The following MSH4 variants were observed in gnomAD, a reference collection of about 807,000 sequenced individuals.
The protein encoded by MSH4 is mutS homolog 4.
Under a neutral mutation model 113.7 loss-of-function variants are expected in MSH4, and 106 were observed. The ratio of observed to expected loss-of-function variants is 0.93; its 90% CI spans 0.80 to 1.10. MSH4 has a LOEUF of 1.10. MSH4 is among the 50% of genes least tolerant of loss of function. The pLI, the probability that MSH4 is intolerant of heterozygous loss-of-function variation, is 0.00. For synonymous variants in MSH4, 368 were observed against 380.2 expected, an observed-to-expected ratio of 0.97 and a Z score of 0.37; for missense variants, 1,061 against 1,093.7, an observed-to-expected ratio of 0.97 and a Z score of 0.42.
intron 16 of MSH4, 36 bp from the exon 17 acceptor site, chr1:75,890,660 G>C: frequency 1.7e-6 from 2 of 1,177,020 alleles, no homozygotes; most frequent in Non-Finnish European, 2.3e-6. Context: ...CAGCTGTTTG[G>C]TTACAATGAA....
intron 6 of MSH4, among the ~76,000 whole-genome samples, chr1:75,819,438 C>T (rs1204028114): frequency 6.6e-6 from 1 of 152,128 alleles, no homozygotes; most frequent in Non-Finnish European, 1.5e-5. Context: ...AGCAGTGAGC[C>T]TAGATAGTGC....
chr1:75,827,270 T>C (rs977919415), intron 7 of MSH4, among the ~76,000 whole-genome samples: 4 of 152,146 alleles, frequency 2.6e-5, no homozygotes, highest in African/African-American at 9.7e-5. Context: ...TAAAATCCTT[T>C]ACAGACAAGC....
At chr1:75,805,232 C>T (rs1650033768) in intron 2 of MSH4, among the ~76,000 whole-genome samples, 1 of 152,120 alleles carries the variant, frequency 6.6e-6, no homozygotes, top group Non-Finnish European at 1.5e-5. Context: ...ATGCTGTTAT[C>T]TCTCTGTTGT....
At chr1:75,880,277 G>A in intron 13 of MSH4, 124 bp downstream of exon 13, 2 of 580,632 alleles carry the variant, frequency 3.4e-6, no homozygotes, top group Non-Finnish European at 6.0e-6. Flanking sequence ...TGTTAGCAAA[G>A]GAAGTCTGTC....
intron 9 of MSH4, among the ~76,000 whole-genome samples, chr1:75,872,538 T>C (rs1333862002): frequency 2.0e-5 from 3 of 152,168 alleles, no homozygotes; most frequent in East Asian, 1.9e-4. Flanking sequence ...ACGGATAAAC[T>C]GTTGCAGTTC....
intron 5 of MSH4, 111 bp downstream of exon 5, chr1:75,815,247 G>T: frequency 1.7e-6 from 1 of 574,222 alleles, no homozygotes; most frequent in Non-Finnish European, 2.9e-6. Flanking sequence ...TTCCACAAGG[G>T]CAGGGACTTT....
At chr1:75,867,617 C>T in intron 9 of MSH4, 29 bp downstream of exon 9, 1 of 1,338,684 alleles carries the variant, frequency 7.5e-7, no homozygotes, top group South Asian at 1.3e-5. Context: ...TCGTACAAAA[C>T]ATGTCCAGCA....
At chr1:75,814,446 C>CT (rs5742050) in intron 4 of MSH4, among the ~76,000 whole-genome samples, 81,437 of 151,668 alleles carry the variant, frequency 0.54, 22,852 homozygotes, top group Middle Eastern at 0.68. Context: ...GCCTGGGCAA[C>CT]AGAGTGAGAC....
intron 14 of MSH4, 117 bp downstream of exon 14, chr1:75,881,487 C>T: frequency 9.3e-7 from 1 of 1,071,536 alleles, no homozygotes; most frequent in East Asian, 2.7e-5. Context: ...AGTCTCTTGC[C>T]TCTGGTCCTA....
At chr1:75,801,229 G>A (rs1430942402) in intron 1 of MSH4, among the ~76,000 whole-genome samples, 1 of 151,892 alleles carries the variant, frequency 6.6e-6, no homozygotes, top group Non-Finnish European at 1.5e-5. Flanking sequence ...GTGATTATAT[G>A]GCCCACAAAA....
chr1:75,797,325 T>C (rs1649839637), intron 1 of MSH4, 96 bp downstream of exon 1: 10 of 1,459,856 alleles, frequency 6.8e-6, no homozygotes, highest in African/African-American at 1.4e-5. Context: ...CACAGTGAAG[T>C]TGTGATTTGG....
Position 75,883,648 on chromosome 1 carries a change from C to G in MSH4, c.1934C>G (p.Ala645Gly). 6.2e-7 allele frequency: 1 copy of G among 1,612,454 alleles called. No homozygotes were observed. The highest frequency in any genetic ancestry group is 1.3e-5 in the African/African-American group (1 of 74,924). The change falls in exon 15 of 20, where the codon GCA (alanine) becomes GGA (glycine). Residue 645 changes from alanine to glycine, a missense_variant. By Grantham distance (60) the Ala-to-Gly change is moderately conservative. Transcript: ENST00000263187. Reference sequence around the variant, plus strand: ...CGACCAGAATTTACTGATACTTTAGCAATCAAACAGGGATGGCATCCTATT... The same window carrying G: ...CGACCAGAATTTACTGATACTTTAGGAATCAAACAGGGATGGCATCCTATT... The part of the protein sequence containing the change: ...YVRPEFTDTL[A>G]IKQGWHPILE...
At chr1:75,813,753 G>C (rs915341213) in intron 4 of MSH4, among the ~76,000 whole-genome samples, 14 of 152,080 alleles carry the variant, frequency 9.2e-5, no homozygotes, top group Non-Finnish European at 1.8e-4. Context: ...ACATGTGCCT[G>C]TAGTCCCAGG....
chr1:75,812,585 T>A (rs1650212509), intron 4 of MSH4, among the ~76,000 whole-genome samples: 1 of 151,984 alleles, frequency 6.6e-6, no homozygotes, highest in Non-Finnish European at 1.5e-5. Context: ...TCCCAGCTAC[T>A]CGGGAAGCTG....
At chr1:75,864,680 GT>G (rs1651525244) in intron 8 of MSH4, among the ~76,000 whole-genome samples, 1 of 151,828 alleles carries the variant, frequency 6.6e-6, no homozygotes, top group Middle Eastern at 3.2e-3. Context: ...TTTCTATTTG[GT>G]TTATCTGCTT....
At chr1:75,856,444 C>A (rs1340460527) in intron 8 of MSH4, among the ~76,000 whole-genome samples, 1 of 152,140 alleles carries the variant, frequency 6.6e-6, no homozygotes, top group African/African-American at 2.4e-5. Flanking sequence ...CCCTAGCCCT[C>A]CACCCCCGAC....
intron 16 of MSH4, among the ~76,000 whole-genome samples, chr1:75,889,738 T>A (rs1570992042): frequency 6.6e-6 from 1 of 152,074 alleles, no homozygotes; most frequent in African/African-American, 2.4e-5. Context: ...GTTAGAAGGG[T>A]TTCAAAAATC....
At chr1:75,901,081 A>G (rs540674180) in intron 19 of MSH4, among the ~76,000 whole-genome samples, 1 of 151,904 alleles carries the variant, frequency 6.6e-6, no homozygotes, top group African/African-American at 2.4e-5. Context: ...TGATATTTTG[A>G]TACTTGCATG....
At position 75,892,377 on chromosome 1, in the gene MSH4, A is replaced by ACTCT. The variant is rs113018030; in HGVS notation, c.2355+1568_2355+1571dup. 4.6e-3 allele frequency among the ~76,000 whole-genome samples: 682 copies of ACTCT among 148,436 alleles called. 5 individuals carry two copies. Among genetic ancestry groups the ACTCT allele is most frequent in the Middle Eastern group, 3.5e-3 (1 of 282 alleles). On this transcript the variant is annotated intron_variant, in intron 17 of 19. Transcript: ENST00000263187. ...TCTCTTCACACGCACACACATACACACTCTCTCTCTCTCTCTCTTTCTCTC... is the reference window on the plus strand; with the variant it reads ...TCTCTTCACACGCACACACATACACACTCTCTCTCTCTCTCTCTCTCTTTCTCTC...
Sources: allele counts gnomAD v4.1 joint callset (sites outside exome capture counted in the v4.1 genomes callset), GRCh38; gene constraint gnomAD v4.1.1; transcripts MANE v1.5; gene names NCBI Gene and HGNC (gene_info 2026-07-23, HGNC 2026-07-21).